Variants in ABCC4 observed in about 807,000 individuals in gnomAD.
ABCC4 encodes the protein ATP binding cassette subfamily C member 4 (PEL blood group), also known as ATP-binding cassette sub-family C member 4.
ABCC4 carries 102 observed loss-of-function variants against 168.5 expected under a neutral mutation model. The observed-to-expected ratio is 0.61, with a 90% CI of 0.52 to 0.71. The LOEUF (loss-of-function observed/expected upper bound fraction) is 0.71. Among genes scored for constraint, ABCC4 ranks in the 30% least tolerant of loss-of-function variants. The pLI is 0.00. For synonymous variants in ABCC4, 617 were observed against 590.7 expected (o/e 1.04, Z -0.65); for missense variants, 1,402 against 1,605.8 (o/e 0.87, Z 2.17).
At chr13:95,197,896 C>T (rs1031239968) in intron 8 of ABCC4, among the ~76,000 whole-genome samples, 5 of 152,150 alleles carry the variant, frequency 3.3e-5, no homozygotes, top group Admixed American at 3.3e-4. Context: ...GACCTAAAAA[C>T]TTCGCAATAA....
intron 19 of ABCC4, among the ~76,000 whole-genome samples, chr13:95,146,759 C>T: frequency 6.6e-6 from 1 of 152,118 alleles, no homozygotes; most frequent in East Asian, 1.9e-4. Flanking sequence ...ACGGAAGTGA[C>T]AGAAGTTTTA....
At chr13:95,098,234 AG>A (rs2034678317) in intron 20 of ABCC4, among the ~76,000 whole-genome samples, 1 of 152,110 alleles carries the variant, frequency 6.6e-6, no homozygotes, top group Non-Finnish European at 1.5e-5. Context: ...CAATACTTAG[AG>A]GAAGTATAAC....
chr13:95,037,804 C>T (rs1044889332), intron 29 of ABCC4, among the ~76,000 whole-genome samples: 2 of 152,108 alleles, frequency 1.3e-5, no homozygotes, highest in African/African-American at 4.8e-5. Context: ...AGTCCTATTA[C>T]ACCCAGGACT....
At chr13:95,183,294 A>C (rs1393406108) in intron 11 of ABCC4, among the ~76,000 whole-genome samples, 1 of 152,070 alleles carries the variant, frequency 6.6e-6, no homozygotes, top group Non-Finnish European at 1.5e-5. Context: ...GAGGCCAAAC[A>C]CCCAGAGACG....
chr13:95,167,177 CATAAATAAATAA>C (rs57260755), intron 14 of ABCC4, among the ~76,000 whole-genome samples: 11,100 of 143,368 alleles, frequency 0.077, 502 homozygotes, highest in South Asian at 0.13. Context: ...AACTCCATCT[CATAAATAAATAA>C]ATAAATAAAT....
intron 4 of ABCC4, among the ~76,000 whole-genome samples, chr13:95,225,149 TCTCTCACACACACACACACACACACA>T (rs1426008048): frequency 4.1e-4 from 41 of 100,234 alleles, no homozygotes; most frequent in Admixed American, 7.9e-4. Context: ...TGTCTCTCTC[TCTCTCACACACACACACACACACACA>T]CACACACACA....
intron 29 of ABCC4, 45 bp downstream of exon 29, chr13:95,043,637 G>A: frequency 2.0e-6 from 3 of 1,475,400 alleles, no homozygotes; most frequent in Non-Finnish European, 2.8e-6. Context: ...CTGAAAAAGT[G>A]AACATAATTG....
At chr13:95,204,811 G>A (rs2139669835) in intron 8 of ABCC4, among the ~76,000 whole-genome samples, 1 of 152,170 alleles carries the variant, frequency 6.6e-6, no homozygotes, top group Non-Finnish European at 1.5e-5. Context: ...TGTAAAGTGG[G>A]GACACTAATG....
At chr13:95,297,235 C>G (rs1323653540) in intron 1 of ABCC4, among the ~76,000 whole-genome samples, 4 of 148,646 alleles carry the variant, frequency 2.7e-5, no homozygotes, top group African/African-American at 9.9e-5. Flanking sequence ...CACACCACGG[C>G]CAGCCTGGCA....
intron 30 of ABCC4, among the ~76,000 whole-genome samples, chr13:95,024,620 T>C (rs114719300): frequency 0.013 from 1,986 of 152,252 alleles, 45 homozygotes; most frequent in African/African-American, 0.045. Context: ...CTCAAGACCC[T>C]GTCAGTTCAT....
chr13:95,119,642 G>GTC (rs914438004), intron 19 of ABCC4, among the ~76,000 whole-genome samples: 224 of 150,860 alleles, frequency 1.5e-3, no homozygotes, highest in African/African-American at 4.4e-3. Context: ...ATTCTGATAC[G>GTC]TCTCCCATGA....
chr13:95,038,508 G>T (rs1350351297), intron 29 of ABCC4, among the ~76,000 whole-genome samples: 3 of 152,084 alleles, frequency 2.0e-5, no homozygotes, highest in Admixed American at 6.5e-5. Flanking sequence ...GAGCTTCAGG[G>T]AGGAGAAAAT....
intron 1 of ABCC4, among the ~76,000 whole-genome samples, chr13:95,270,589 C>T (rs1302660611): frequency 5.3e-5 from 8 of 152,244 alleles, no homozygotes; most frequent in South Asian, 2.1e-4. Context: ...AGCAGCCCAG[C>T]GTCAACCAAG....
intron 4 of ABCC4, among the ~76,000 whole-genome samples, chr13:95,218,987 GTGAGAAAGA>G (rs2039230928): frequency 3.0e-5 from 1 of 32,842 alleles, no homozygotes; most frequent in African/African-American, 9.1e-5. Flanking sequence ...GAAAGAAAGA[GTGAGAAAGA>G]AAGAAAGAGT....
chr13:95,076,316 C>T (rs1481611096), intron 21 of ABCC4, among the ~76,000 whole-genome samples: 1 of 152,150 alleles, frequency 6.6e-6, no homozygotes, highest in African/African-American at 2.4e-5. Context: ...CTCTGGAGGT[C>T]TCTATGGCAT....
At chr13:95,033,585 A>G (rs1242339565) in intron 30 of ABCC4, among the ~76,000 whole-genome samples, 1 of 152,180 alleles carries the variant, frequency 6.6e-6, no homozygotes, top group Non-Finnish European at 1.5e-5. Flanking sequence ...AATGCCTTAT[A>G]AACATACTTC....
intron 20 of ABCC4, among the ~76,000 whole-genome samples, chr13:95,100,868 G>GA (rs1255301082): frequency 2.0e-5 from 3 of 152,194 alleles, no homozygotes; most frequent in Non-Finnish European, 4.4e-5. Flanking sequence ...GGAGTTGGGG[G>GA]AAGGGGTGAA....
chr13:95,147,873 T>C (rs2036550879), intron 19 of ABCC4, among the ~76,000 whole-genome samples: 1 of 152,166 alleles, frequency 6.6e-6, no homozygotes, highest in Non-Finnish European at 1.5e-5. Context: ...ACATGCAAAA[T>C]TGAGCTCTCA....
At chr13:95,294,421 G>T (rs904661239) in intron 1 of ABCC4, among the ~76,000 whole-genome samples, 1 of 152,094 alleles carries the variant, frequency 6.6e-6, no homozygotes, top group African/African-American at 2.4e-5. Context: ...CCCCTTTTGG[G>T]CCATCTAGGG....
Sources: allele counts gnomAD v4.1 joint callset (sites outside exome capture counted in the v4.1 genomes callset), GRCh38; gene constraint gnomAD v4.1.1; transcripts MANE v1.5; gene names NCBI Gene and HGNC (gene_info 2026-07-23, HGNC 2026-07-21).